PTBP3: variants seen among roughly 807,000 people sequenced by gnomAD.
The protein encoded by PTBP3 is polypyrimidine tract binding protein 3, also known as polypyrimidine tract-binding protein 3.
Under a neutral mutation model 58.7 loss-of-function variants are expected in PTBP3, and 20 were observed. The observed-to-expected ratio is 0.34, with a 90% confidence interval of 0.24 to 0.50. PTBP3 has a LOEUF of 0.50. Ranked by LOEUF, PTBP3 falls within the 20% of genes least tolerant of loss-of-function variation. The pLI, the probability that PTBP3 is intolerant of heterozygous loss-of-function variation, is 0.98. For synonymous variants in PTBP3, 185 were observed against 219.8 expected (o/e 0.84, Z 1.40); for missense variants, 509 against 637.2 (o/e 0.80, Z 2.17).
At chr9:112,229,812 T>A (rs546389360) in intron 10 of PTBP3, among the ~76,000 whole-genome samples, 95 of 152,322 alleles carry the variant, frequency 6.2e-4, no homozygotes, top group African/African-American at 2.2e-3. Context: ...TCCTCCTGCC[T>A]TGGCCTCCCA....
chr9:112,224,636 T>TG lies in PTBP3; in HGVS notation c.1365-427dup, dbSNP rs1324058936. Among the ~76,000 whole-genome samples, 11 of 152,328 alleles carry TG rather than the reference T, an allele frequency of 7.2e-5. No homozygotes were observed. The East Asian group carries it at 1.9e-3, about 27-fold the overall frequency. On this transcript the variant is annotated intron_variant, in intron 12 of 13. Coordinates refer to ENST00000374257, the MANE Select transcript of PTBP3 (RefSeq NM_001163788.4). ...CAGGGTAATTCTGAATGTGTGTATG[T>TG]GGCTGTCAGCCTCTAAGGTGGCCCC...
At chr9:112,346,229 G>A in the PTBP3 span, among the ~76,000 whole-genome samples, 79 of 151,914 alleles carry the variant, frequency 5.2e-4, 1 homozygote, top group East Asian at 7.0e-3. Context: ...GTGCAGTGGC[G>A]TGATCTCAGC....
At chr9:112,325,500 C>G (rs1295009967) in intron 1 of PTBP3, among the ~76,000 whole-genome samples, 1 of 151,522 alleles carries the variant, frequency 6.6e-6, no homozygotes, top group Non-Finnish European at 1.5e-5. Flanking sequence ...TGTCCATATG[C>G]CTAATTTCTC....
chr9:112,293,500 T>C (rs1457997302), intron 2 of PTBP3, among the ~76,000 whole-genome samples: 1 of 152,206 alleles, frequency 6.6e-6, no homozygotes, highest in Non-Finnish European at 1.5e-5. Flanking sequence ...CCTTCCCTTG[T>C]AAAGTAATAG....
intron 5 of PTBP3, among the ~76,000 whole-genome samples, chr9:112,258,682 A>T (rs1589832901): frequency 6.6e-6 from 1 of 152,130 alleles, no homozygotes; most frequent in East Asian, 1.9e-4. Flanking sequence ...TCAGAACCAC[A>T]TCTAATCAAT....
chr9:112,335,308 C>A (rs534430849), upstream of PTBP3, among the ~76,000 whole-genome samples: 1 of 151,186 alleles, frequency 6.6e-6, no homozygotes, highest in Non-Finnish European at 1.5e-5. Flanking sequence ...TGTTTTGAGA[C>A]GGAGTCTTGC....
chr9:112,329,492 A>G (rs1024183723), intron 1 of PTBP3, among the ~76,000 whole-genome samples: 5 of 152,228 alleles, frequency 3.3e-5, no homozygotes, highest in African/African-American at 1.2e-4. Flanking sequence ...ATTATTATAA[A>G]ATACTAATTA....
chr9:112,292,836 TACA>T (rs764886983), intron 2 of PTBP3, among the ~76,000 whole-genome samples: 1 of 152,302 alleles, frequency 6.6e-6, no homozygotes, highest in African/African-American at 2.4e-5. Context: ...CGATCTGTTG[TACA>T]ACAATGTTCC....
At chr9:112,283,992 C>T (rs1248052263) in intron 2 of PTBP3, among the ~76,000 whole-genome samples, 6 of 152,220 alleles carry the variant, frequency 3.9e-5, no homozygotes, top group Non-Finnish European at 7.3e-5. Flanking sequence ...TTTGGGGAAC[C>T]TCCACCTACA....
chr9:112,332,921 T>C, intron 1 of PTBP3: 3 of 1,556,308 alleles, frequency 1.9e-6, no homozygotes, highest in Non-Finnish European at 2.6e-6. Flanking sequence ...CTCGGCCAAG[T>C]CCCGCGGCGG....
At chr9:112,283,511 T>A (rs1827970718) in intron 2 of PTBP3, among the ~76,000 whole-genome samples, 1 of 152,110 alleles carries the variant, frequency 6.6e-6, no homozygotes, top group Non-Finnish European at 1.5e-5. Context: ...CTCAGATGAT[T>A]TAGGGTATCT....
chr9:112,345,803 A>C, the PTBP3 span, among the ~76,000 whole-genome samples: 1 of 152,326 alleles, frequency 6.6e-6, no homozygotes, highest in South Asian at 2.1e-4. Flanking sequence ...TATATCATGA[A>C]GTCAAATAAT....
chr9:112,280,844 G>A (rs1827831620), intron 2 of PTBP3: 2 of 48,274 alleles, frequency 4.1e-5, no homozygotes, highest in Non-Finnish European at 6.8e-5. Context: ...TGTTATAAGA[G>A]AGATACAACA....
At chr9:112,263,427 A>G (rs945669558) in intron 4 of PTBP3, among the ~76,000 whole-genome samples, 2 of 152,216 alleles carry the variant, frequency 1.3e-5, no homozygotes, top group African/African-American at 4.8e-5. Context: ...CATCATTACT[A>G]ACACAACAAA....
intron 5 of PTBP3, among the ~76,000 whole-genome samples, chr9:112,259,092 C>T (rs1331359418): frequency 6.6e-6 from 1 of 152,120 alleles, no homozygotes; most frequent in East Asian, 1.9e-4. Context: ...GCTGGGACTA[C>T]ATGTGTGTGC....
At chr9:112,262,271 C>CA (rs974802365) in intron 5 of PTBP3, among the ~76,000 whole-genome samples, 164 bp downstream of exon 5, 2 of 151,756 alleles carry the variant, frequency 1.3e-5, no homozygotes, top group African/African-American at 4.8e-5. Context: ...AGGAGGCTGT[C>CA]AAAAAATTAC....
chr9:112,322,224 C>G, intron 1 of PTBP3, among the ~76,000 whole-genome samples: 1 of 151,240 alleles, frequency 6.6e-6, no homozygotes, highest in East Asian at 1.9e-4. Context: ...CACCCAAGAG[C>G]AAGAGCTTCC....
At chr9:112,361,543 A>G in the PTBP3 span, among the ~76,000 whole-genome samples, 1 of 63,764 alleles carries the variant, frequency 1.6e-5, no homozygotes, top group Non-Finnish European at 3.0e-5. Flanking sequence ...TCATTAAGAC[A>G]TTTAAATTTC....
At chr9:112,322,291 G>A (rs1362386300) in intron 1 of PTBP3, among the ~76,000 whole-genome samples, 1 of 152,116 alleles carries the variant, frequency 6.6e-6, no homozygotes, top group East Asian at 1.9e-4. Flanking sequence ...GTCCAATCTA[G>A]GGAATGGGTA....
Sources: gnomAD v4.1 joint callset for allele counts (sites outside exome capture counted in the v4.1 genomes callset) on GRCh38, gnomAD v4.1.1 for gene constraint, MANE v1.5 for transcripts, NCBI Gene and HGNC (gene_info 2026-07-23, HGNC 2026-07-21) for gene names.